The following GFRA1 variants were observed in gnomAD, a reference collection of about 807,000 sequenced individuals.
The protein encoded by GFRA1 is GDNF family receptor alpha 1, also known as GDNF family receptor alpha-1.
GFRA1 carries 16 observed loss-of-function variants against 51.6 expected under a neutral mutation model. That is an observed-to-expected ratio of 0.31 (90% CI 0.21 to 0.47). The LOEUF (loss-of-function observed/expected upper bound fraction) is 0.47, where lower values mean the gene tolerates loss of function less well. GFRA1 is among the 20% of genes least tolerant of loss of function. GFRA1 has a pLI of 1.00. For missense variants in GFRA1, 530 were observed against 594.3 expected, an observed-to-expected ratio of 0.89 and a Z score of 1.13; for synonymous variants, 270 against 241.3, an observed-to-expected ratio of 1.12 and a Z score of -1.10.
chr10:116,272,391 A>ACCCACC lies in GFRA1; in HGVS notation c.-246-122_-246-117dup. ...GGGAATTTCCAACACCGGGGTGAGG[A>ACCCACC]CCCACCCCCACCCAGGTCGGGGTGC... On this transcript the variant is annotated intron_variant, in intron 1 of 10. Transcript: ENST00000355422. This position sits in a 1 kb window ranked among gnomAD's most constrained non-coding sequence, Gnocchi z 4.4. 2 of 387,370 alleles carry ACCCACC rather than the reference A, an allele frequency of 5.2e-6. No homozygotes were observed. The highest frequency in any genetic ancestry group is 5.6e-5 in the East Asian group (1 of 17,956). The allele number at this position is 387,370 out of a possible 1,614,324, so 24.0% of individuals were successfully genotyped here.
intron 5 of GFRA1, among the ~76,000 whole-genome samples, chr10:116,141,385 C>A (rs973969063): frequency 2.0e-5 from 3 of 152,202 alleles, no homozygotes; most frequent in African/African-American, 7.2e-5. Flanking sequence ...ACCATTATAG[C>A]AAGCTCCTCA....
intron 4 of GFRA1, among the ~76,000 whole-genome samples, chr10:116,247,807 T>C (rs945250061): frequency 1.1e-4 from 17 of 152,140 alleles, no homozygotes; most frequent in African/African-American, 4.1e-4. Context: ...TCATCTGCCC[T>C]CCTCTAGATA....
intron 5 of GFRA1, among the ~76,000 whole-genome samples, chr10:116,172,747 C>T (rs999137019): frequency 2.0e-5 from 3 of 152,134 alleles, no homozygotes; most frequent in Non-Finnish European, 2.9e-5. Flanking sequence ...GTGTCCAGGC[C>T]GAGGTGTGGG....
rs1219480086 is a variant in GFRA1, at chr10:116,057,092, A to G, written c.*7306T>C. 1 of 152,146 alleles carries G rather than the reference A, an allele frequency of 6.6e-6. No individual in the cohort carries two copies. The highest frequency in any genetic ancestry group is 2.4e-5 in the African/African-American group (1 of 41,444). 9.4% of individuals were successfully genotyped at this position (152,146 alleles called of 1,614,324 possible). On this transcript the variant is annotated 3_prime_UTR_variant, in exon 11 of 11. Transcript: ENST00000355422. ...TGCAAAACTTGTACTTCTACAGGAG[A>G]TGTTCTTCCAAGGGTGTTGGCAATA...
intron 4 of GFRA1, among the ~76,000 whole-genome samples, chr10:116,262,943 A>G (rs1023430628): frequency 6.6e-6 from 1 of 152,124 alleles, no homozygotes. Flanking sequence ...GCACAGGAAA[A>G]GCTCCCACCC....
chr10:116,114,074 C>T (rs1256485224), intron 6 of GFRA1, among the ~76,000 whole-genome samples: 5 of 152,142 alleles, frequency 3.3e-5, no homozygotes, highest in African/African-American at 1.2e-4. Flanking sequence ...TGGAAACATC[C>T]AGAGGGAGGG....
intron 9 of GFRA1, among the ~76,000 whole-genome samples, chr10:116,089,523 CCCA>C (rs1956239095): frequency 6.6e-6 from 1 of 152,202 alleles, no homozygotes; most frequent in Non-Finnish European, 1.5e-5. Flanking sequence ...AAGCCACACT[CCCA>C]GTAAACGACA....
intron 4 of GFRA1, among the ~76,000 whole-genome samples, chr10:116,232,473 C>T (rs902698234): frequency 4.0e-5 from 6 of 149,172 alleles, no homozygotes; most frequent in Non-Finnish European, 7.4e-5. Flanking sequence ...TTCTTTGAAC[C>T]TTTTAAGATA....
chr10:116,132,771 T>C (rs1300370973), intron 5 of GFRA1, among the ~76,000 whole-genome samples: 2 of 152,078 alleles, frequency 1.3e-5, no homozygotes, highest in Non-Finnish European at 2.9e-5. Flanking sequence ...TGCACGAAAA[T>C]ACTACCTCAA....
At chr10:116,077,325 G>C (rs1027004307) in intron 9 of GFRA1, among the ~76,000 whole-genome samples, 17 of 152,202 alleles carry the variant, frequency 1.1e-4, no homozygotes, top group African/African-American at 3.9e-4. Flanking sequence ...TGGCTACATT[G>C]TTGCTGAGAA....
chr10:116,230,795 A>G (rs1304925474), intron 4 of GFRA1, among the ~76,000 whole-genome samples: 1 of 152,212 alleles, frequency 6.6e-6, no homozygotes, highest in East Asian at 1.9e-4. Context: ...GCTATCAGTG[A>G]GTAAACTGTT....
At chr10:116,177,309 T>C (rs1016650099) in intron 5 of GFRA1, among the ~76,000 whole-genome samples, 2 of 151,938 alleles carry the variant, frequency 1.3e-5, no homozygotes, top group Non-Finnish European at 2.9e-5. Context: ...AAATGGCCCA[T>C]TAGGAGGCTT....
chr10:116,136,516 C>T (rs1426029790), intron 5 of GFRA1, among the ~76,000 whole-genome samples: 1 of 152,098 alleles, frequency 6.6e-6, no homozygotes, highest in Non-Finnish European at 1.5e-5. Context: ...CAGTGTATTG[C>T]CATGGAGAAG....
upstream of GFRA1, among the ~76,000 whole-genome samples, chr10:116,274,699 T>TA (rs1270288166): frequency 1.3e-5 from 2 of 151,958 alleles, no homozygotes; most frequent in African/African-American, 4.8e-5. Flanking sequence ...TCCTCCAGGG[T>TA]AAGTATGAGG....
At chr10:116,105,119 T>C (rs995351145) in intron 6 of GFRA1, among the ~76,000 whole-genome samples, 3 of 152,126 alleles carry the variant, frequency 2.0e-5, no homozygotes, top group Non-Finnish European at 4.4e-5. Flanking sequence ...AGGGAAGAAA[T>C]TGAAGAAGAA....
At chr10:116,257,641 G>GA (rs1444891825) in intron 4 of GFRA1, among the ~76,000 whole-genome samples, 2 of 152,180 alleles carry the variant, frequency 1.3e-5, no homozygotes, top group Non-Finnish European at 2.9e-5. Flanking sequence ...GAAGCATCCA[G>GA]AGCCCCTGTG....
chr10:116,110,775 G>A (rs1259608920), intron 6 of GFRA1, among the ~76,000 whole-genome samples: 4 of 152,186 alleles, frequency 2.6e-5, no homozygotes, highest in African/African-American at 9.7e-5. Flanking sequence ...TGGTGGCCAT[G>A]GTGGGACAGG....
At position 116,100,891 on chromosome 10, in the gene GFRA1, C is replaced by G. The variant is rs556631909; in HGVS notation, c.771-4127G>C. On this transcript the variant is annotated intron_variant, in intron 6 of 10. Coordinates refer to ENST00000355422, the MANE Select transcript of GFRA1 (RefSeq NM_005264.8). ...ATCAATAGAATGAAAGTCAAAACTT[C>G]GGACTGGAGGGGTGAGAACAGAATC... Among the ~76,000 whole-genome samples, 23 of 152,198 alleles carry G rather than the reference C, an allele frequency of 1.5e-4. 1 individual carries two copies. The highest frequency in any genetic ancestry group is 1.3e-3 in the Admixed American group (20 of 15,286).
In GFRA1 at chr10:116,272,674, T is replaced by C. The variant is rs977327492; in HGVS notation, c.-246-399A>G. ...CGAAAGAGCCCCTTCTCCCGGGAAG[T>C]TGGCCTCCCCCTCCTCGCGTCAGCC... On this transcript the variant is annotated intron_variant, in intron 1 of 10. Transcript: ENST00000355422. The surrounding 1 kb of genome is among the most constrained non-coding windows in gnomAD (Gnocchi z 4.4). 8 of 152,596 alleles carry C rather than the reference T, an allele frequency of 5.2e-5. No homozygotes were observed. The highest frequency in any genetic ancestry group is 1.9e-4 in the African/African-American group (8 of 41,542). 9.5% of individuals were successfully genotyped at this position (152,596 alleles called of 1,614,324 possible). A position where few individuals can be genotyped will look rare whatever the true frequency, so the allele number is the denominator to read the frequency against.
Sources: gnomAD v4.1 joint callset for allele counts (sites outside exome capture counted in the v4.1 genomes callset) on GRCh38, gnomAD v4.1.1 for gene constraint, Gnocchi (gnomAD v3.1) non-coding constraint, MANE v1.5 for transcripts, NCBI Gene and HGNC (gene_info 2026-07-23, HGNC 2026-07-21) for gene names.